TENM2: variants seen among roughly 807,000 people sequenced by gnomAD.
The protein encoded by TENM2 is teneurin transmembrane protein 2, also known as teneurin-2.
In TENM2, 52 loss-of-function variants were observed where a neutral mutation model predicts 245.2. The ratio of observed to expected loss-of-function variants is 0.21; its 90% CI spans 0.17 to 0.27. The LOEUF (loss-of-function observed/expected upper bound fraction) is 0.27, where lower values mean the gene tolerates loss of function less well. Among genes scored for constraint, TENM2 ranks in the 10% least tolerant of loss-of-function variants. TENM2 has a pLI of 1.00. For synonymous variants in TENM2, 1,363 were observed against 1,438.9 expected, an observed-to-expected ratio of 0.95 and a Z score of 1.19; for missense variants, 3,046 against 3,666.8, an observed-to-expected ratio of 0.83 and a Z score of 4.37.
At chr5:167,992,911 T>C in intron 4 of TENM2, 33 bp from the exon 7 acceptor site, 1 of 1,571,726 alleles carries the variant, frequency 6.4e-7, no homozygotes, top group Non-Finnish European at 8.8e-7. Flanking sequence ...TGGCTACCCA[T>C]GACCACTCTG....
intron 7 of TENM2, among the ~76,000 whole-genome samples, chr5:168,088,850 C>T (rs374277445): frequency 2.6e-5 from 4 of 152,212 alleles, no homozygotes; most frequent in East Asian, 3.9e-4. Context: ...GCGATTCTGA[C>T]GACGGGAAAG....
At chr5:167,021,909 A>C in the TENM2 span, among the ~76,000 whole-genome samples, 3 of 152,194 alleles carry the variant, frequency 2.0e-5, no homozygotes, top group Admixed American at 2.0e-4. Context: ...CACTTCATAG[A>C]AACAAAAAGA....
chr5:167,255,370 A>G, the TENM2 span, among the ~76,000 whole-genome samples: 2 of 152,034 alleles, frequency 1.3e-5, no homozygotes, highest in African/African-American at 2.4e-5. Context: ...CAAAAATTGC[A>G]CCTATTGTGA....
intron 2 of TENM2, among the ~76,000 whole-genome samples, chr5:167,855,609 A>G (rs1410433567): frequency 6.8e-6 from 1 of 148,144 alleles, no homozygotes; most frequent in Non-Finnish European, 1.5e-5. Context: ...AGAGCCTGAT[A>G]TGTACTAGAC....
the TENM2 span, among the ~76,000 whole-genome samples, chr5:167,033,207 GA>G: frequency 6.6e-6 from 1 of 152,192 alleles, no homozygotes; most frequent in Non-Finnish European, 1.5e-5. Flanking sequence ...AGTATATTGT[GA>G]TGATGCACAT....
At chr5:167,137,619 A>C in the TENM2 span, among the ~76,000 whole-genome samples, 1 of 152,166 alleles carries the variant, frequency 6.6e-6, no homozygotes, top group South Asian at 2.1e-4. Context: ...ATCTTAATCT[A>C]CCTTAGAATA....
intron 4 of TENM2, among the ~76,000 whole-genome samples, chr5:167,956,800 C>A (rs2151864252): frequency 6.6e-6 from 1 of 152,246 alleles, no homozygotes; most frequent in Admixed American, 6.5e-5. Flanking sequence ...GTTGAACCAG[C>A]CTTGCATCCC....
intron 25 of TENM2, among the ~76,000 whole-genome samples, chr5:168,242,268 G>C (rs1299929948): frequency 6.6e-6 from 1 of 152,184 alleles, no homozygotes; most frequent in Admixed American, 6.5e-5. Context: ...CTGTTTCCCA[G>C]AATGCAAGTG....
At chr5:167,351,109 G>A (rs1167832536) in intron 1 of TENM2, among the ~76,000 whole-genome samples, 5 of 140,852 alleles carry the variant, frequency 3.5e-5, no homozygotes, top group Non-Finnish European at 7.6e-5. Flanking sequence ...TATATATATG[G>A]GATATATACA....
intron 2 of TENM2, among the ~76,000 whole-genome samples, chr5:167,798,301 T>A (rs1281835542): frequency 1.3e-5 from 2 of 152,178 alleles, no homozygotes; most frequent in African/African-American, 4.8e-5. Context: ...TTAAAGATTC[T>A]AAGTGGGTCA....
chr5:167,579,538 G>C (rs1774937554), intron 2 of TENM2, among the ~76,000 whole-genome samples: 1 of 152,190 alleles, frequency 6.6e-6, no homozygotes, highest in Admixed American at 6.5e-5. Context: ...CAGTTCTTCT[G>C]ACGGTTCGAC....
intron 1 of TENM2, 48 bp downstream of exon 3, chr5:167,285,111 T>C: frequency 7.1e-7 from 1 of 1,407,508 alleles, no homozygotes; most frequent in Non-Finnish European, 9.8e-7. Context: ...TCTAACTTAC[T>C]TGATTTACAT....
chr5:167,876,460 G>A (rs903537318), intron 3 of TENM2, among the ~76,000 whole-genome samples: 1 of 152,202 alleles, frequency 6.6e-6, no homozygotes, highest in African/African-American at 2.4e-5. Flanking sequence ...GTGTGAGCAT[G>A]CTGGTCTCAA....
intron 5 of TENM2, among the ~76,000 whole-genome samples, chr5:168,025,255 C>T (rs529822524): frequency 6.6e-6 from 1 of 152,148 alleles, no homozygotes; most frequent in African/African-American, 2.4e-5. Flanking sequence ...TTGAGGAAGC[C>T]AAACAAATAC....
intron 2 of TENM2, among the ~76,000 whole-genome samples, chr5:167,738,578 G>A (rs927021306): frequency 2.6e-5 from 4 of 152,154 alleles, no homozygotes; most frequent in Non-Finnish European, 4.4e-5. Context: ...ATTTATTAAA[G>A]TGATTATATT....
chr5:168,046,424 C>T (rs1482642952), intron 5 of TENM2, among the ~76,000 whole-genome samples: 2 of 152,156 alleles, frequency 1.3e-5, no homozygotes, highest in African/African-American at 4.8e-5. Context: ...CTTACTTATT[C>T]TCAAAGGAAG....
chr5:167,082,450 A>AT, the TENM2 span, among the ~76,000 whole-genome samples: 12 of 151,418 alleles, frequency 7.9e-5, no homozygotes, highest in African/African-American at 2.2e-4. Flanking sequence ...GGCTCAGCTA[A>AT]TTTTTTTTGC....
In TENM2 at chr5:167,801,643, G is replaced by C. The variant is rs571930331; in HGVS notation, c.503-74343G>C. ...ACCAGAGATCCAAGGAAGCAAGAGT[G>C]AAGGAAGGCAGGTTAGAACCAAACA... is the stretch of plus-strand genomic sequence containing the variant. On this transcript the variant is annotated intron_variant, in intron 2 of 28. Coordinates refer to ENST00000518659, the Ensembl canonical transcript of TENM2. 3.3e-5 allele frequency among the ~76,000 whole-genome samples: 5 copies of C among 152,254 alleles called. No homozygotes were observed. The South Asian group carries it at 1.0e-3, about 32-fold the overall frequency.
chr5:167,775,152 G>C (rs183409492), intron 2 of TENM2, among the ~76,000 whole-genome samples: 1 of 152,104 alleles, frequency 6.6e-6, no homozygotes, highest in South Asian at 2.1e-4. Context: ...ATTTTTAGTA[G>C]AGACGGGGTT....
Sources: gnomAD v4.1 joint callset for allele counts (sites outside exome capture counted in the v4.1 genomes callset) on GRCh38, gnomAD v4.1.1 for gene constraint, MANE v1.5 for transcripts, NCBI Gene and HGNC (gene_info 2026-07-23, HGNC 2026-07-21) for gene names.